The following PRKCA variants were observed in gnomAD, a reference collection of about 807,000 sequenced individuals.
PRKCA encodes the protein protein kinase C alpha type.
In PRKCA, 27 loss-of-function variants were observed where a neutral mutation model predicts 87.0. That is an observed-to-expected ratio of 0.31 (90% CI 0.23 to 0.43). The LOEUF is 0.43. PRKCA is among the 20% of genes least tolerant of loss of function. PRKCA has a pLI of 1.00. For missense variants in PRKCA, 518 were observed against 852.3 expected (o/e 0.61, Z 4.88); for synonymous variants, 329 against 311.1 (o/e 1.06, Z -0.61).
intron 16 of PRKCA, among the ~76,000 whole-genome samples, chr17:66,798,395 GTGGTGGTGGTGA>G (rs1175910692): frequency 3.0e-4 from 30 of 99,086 alleles, no homozygotes; most frequent in Non-Finnish European, 3.6e-4. Flanking sequence ...GGTGGTGGTG[GTGGTGGTGGTGA>G]TGGTGATGGT....
At chr17:66,751,252 A>G (rs1007819775) in intron 13 of PRKCA, among the ~76,000 whole-genome samples, 1 of 152,200 alleles carries the variant, frequency 6.6e-6, no homozygotes. Flanking sequence ...AATTCTTACA[A>G]TAGCCCTCTA....
chr17:66,582,568 C>T (rs1218554989), intron 3 of PRKCA, among the ~76,000 whole-genome samples: 1 of 152,198 alleles, frequency 6.6e-6, no homozygotes, highest in Non-Finnish European at 1.5e-5. Context: ...CCTCATTTGC[C>T]TTCCACCATG....
chr17:66,718,692 C>A (rs974988919), intron 8 of PRKCA, among the ~76,000 whole-genome samples: 1 of 152,166 alleles, frequency 6.6e-6, no homozygotes. Context: ...TAGTCACCTT[C>A]CAAAGGCCCT....
At chr17:66,724,555 G>C (rs2144172557) in intron 8 of PRKCA, among the ~76,000 whole-genome samples, 1 of 152,336 alleles carries the variant, frequency 6.6e-6, no homozygotes, top group East Asian at 1.9e-4. Context: ...CAGCAGCCCA[G>C]TGCATGCTCT....
intron 8 of PRKCA, among the ~76,000 whole-genome samples, chr17:66,699,799 C>T (rs923658687): frequency 6.6e-6 from 1 of 152,234 alleles, no homozygotes; most frequent in Non-Finnish European, 1.5e-5. Flanking sequence ...TGGTCTCAAA[C>T]TCCTGGCCTC....
intron 3 of PRKCA, among the ~76,000 whole-genome samples, chr17:66,543,938 G>A (rs887748938): frequency 6.6e-6 from 1 of 152,182 alleles, no homozygotes; most frequent in Non-Finnish European, 1.5e-5. Flanking sequence ...TAGGCTGGGT[G>A]CTGTGGCTCA....
At chr17:66,561,675 T>C (rs1598770617) in intron 3 of PRKCA, among the ~76,000 whole-genome samples, 1 of 152,274 alleles carries the variant, frequency 6.6e-6, no homozygotes, top group East Asian at 1.9e-4. Flanking sequence ...ATTGAACAGA[T>C]GAATGGATAA....
chr17:66,312,644 ATC>A lies in PRKCA; in HGVS notation c.205+6519_205+6520del, dbSNP rs1214093090. The stretch of plus-strand genomic sequence containing the variant: ...CCTCAACCCCGTTTGCCCAGATGAT[ATC>A]TGTTTCACCTGTTAAGTCTTAGTCT... On this transcript the variant is annotated intron_variant, in intron 2 of 16. Transcript: ENST00000413366. Among the ~76,000 whole-genome samples, 5 of 151,364 alleles carry A rather than the reference ATC, an allele frequency of 3.3e-5. No homozygotes were observed. The East Asian group carries it at 9.7e-4, about 29-fold the overall frequency.
intron 3 of PRKCA, among the ~76,000 whole-genome samples, chr17:66,498,803 G>A (rs1358823164): frequency 6.6e-6 from 1 of 152,210 alleles, no homozygotes; most frequent in Non-Finnish European, 1.5e-5. Flanking sequence ...GGGCTGTATG[G>A]GGCCCTGGAA....
Position 66,809,673 on chromosome 17 carries a change from C to G in PRKCA, c.*5636C>G, listed in dbSNP as rs1976121999. On this transcript the variant is annotated 3_prime_UTR_variant, in exon 17 of 17. Coordinates refer to ENST00000413366, the MANE Select transcript of PRKCA (RefSeq NM_002737.3). The stretch of plus-strand genomic sequence containing the variant: ...GTCCACGTGGGAATGACTGCAAGTT[C>G]AGGTGGAACTTGGCCGACTGATGCT... The G allele has an allele frequency of 6.6e-6, 1 of 152,084 alleles. No homozygotes were observed. Among genetic ancestry groups the G allele is most frequent in the Admixed American group, 6.6e-5 (1 of 15,264 alleles). 9.4% of individuals were successfully genotyped at this position (152,084 alleles called of 1,614,324 possible).
chr17:66,449,344 G>A (rs1914197012), intron 2 of PRKCA, among the ~76,000 whole-genome samples: 1 of 152,008 alleles, frequency 6.6e-6, no homozygotes, highest in Admixed American at 6.6e-5. Flanking sequence ...AAAGTGAATG[G>A]ATAGGTAGAG....
intron 3 of PRKCA, among the ~76,000 whole-genome samples, chr17:66,539,258 C>T (rs534120937): frequency 1.9e-4 from 29 of 152,246 alleles, no homozygotes; most frequent in African/African-American, 4.3e-4. Flanking sequence ...TGTAAATAAA[C>T]GCTTTGGGTG....
intron 5 of PRKCA, among the ~76,000 whole-genome samples, chr17:66,683,163 A>T (rs559724310): frequency 3.2e-4 from 48 of 152,248 alleles, no homozygotes; most frequent in Non-Finnish European, 4.6e-4. Flanking sequence ...AATGAATAAC[A>T]TCTATTTTCA....
intron 8 of PRKCA, among the ~76,000 whole-genome samples, chr17:66,707,966 C>T (rs1201700791): frequency 1.3e-5 from 2 of 152,224 alleles, no homozygotes; most frequent in African/African-American, 2.4e-5. Context: ...CAGCTAGAAC[C>T]ACAGAGGCCT....
intron 3 of PRKCA, chr17:66,554,486 C>G: frequency 2.2e-6 from 2 of 903,342 alleles, no homozygotes; most frequent in Non-Finnish European, 2.7e-6. Flanking sequence ...AGAACATTCC[C>G]GTGACTACTC....
At chr17:66,560,022 A>G (rs1345183018) in intron 3 of PRKCA, among the ~76,000 whole-genome samples, 2 of 152,214 alleles carry the variant, frequency 1.3e-5, no homozygotes, top group Non-Finnish European at 1.5e-5. Context: ...TCACAGCCGA[A>G]TGACTTCTGG....
intron 2 of PRKCA, among the ~76,000 whole-genome samples, chr17:66,428,871 GAGTAA>G (rs958590407): frequency 6.6e-6 from 1 of 152,146 alleles, no homozygotes; most frequent in African/African-American, 2.4e-5. Flanking sequence ...ATGAAATAGA[GAGTAA>G]AGGATCATTG....
intron 3 of PRKCA, among the ~76,000 whole-genome samples, chr17:66,562,975 G>T (rs1051937784): frequency 1.3e-5 from 2 of 151,988 alleles, no homozygotes; most frequent in Admixed American, 6.6e-5. Flanking sequence ...TCTGATTTCT[G>T]GTTATATACC....
At chr17:66,338,050 G>A (rs1402630436) in intron 2 of PRKCA, among the ~76,000 whole-genome samples, 2 of 148,092 alleles carry the variant, frequency 1.4e-5, no homozygotes, top group African/African-American at 5.0e-5. Flanking sequence ...ATTTTTTGTG[G>A]TTGGAGAGGT....
Sources: allele counts gnomAD v4.1 joint callset (sites outside exome capture counted in the v4.1 genomes callset), GRCh38; gene constraint gnomAD v4.1.1; transcripts MANE v1.5; gene names NCBI Gene and HGNC (gene_info 2026-07-23, HGNC 2026-07-21).